Variants in NAALADL2 observed in about 807,000 individuals in gnomAD.
NAALADL2 encodes the protein N-acetylated alpha-linked acidic dipeptidase like 2.
NAALADL2 carries 76 observed loss-of-function variants against 87.2 expected under a neutral mutation model. The ratio of observed to expected loss-of-function variants is 0.87; its 90% CI spans 0.72 to 1.05. The LOEUF (loss-of-function observed/expected upper bound fraction) is 1.05. Among genes scored for constraint, NAALADL2 ranks in the 50% least tolerant of loss-of-function variants. The pLI is 0.00. For synonymous variants in NAALADL2, 354 were observed against 331.0 expected, an observed-to-expected ratio of 1.07 and a Z score of -0.75; for missense variants, 1,089 against 945.8, an observed-to-expected ratio of 1.15 and a Z score of -1.99.
At chr3:175,268,163 A>G (rs1752258132) in intron 4 of NAALADL2, among the ~76,000 whole-genome samples, 2 of 152,164 alleles carry the variant, frequency 1.3e-5, no homozygotes, top group South Asian at 2.1e-4. Flanking sequence ...GTACTTAGAC[A>G]AACTTAGATG....
chr3:175,583,217 T>C (rs1720037388), intron 10 of NAALADL2, among the ~76,000 whole-genome samples: 1 of 152,156 alleles, frequency 6.6e-6, no homozygotes, highest in Non-Finnish European at 1.5e-5. Context: ...CAAGAGAGTA[T>C]CGTGTTGCAT....
At chr3:174,986,123 A>G (rs1394058382) in intron 1 of NAALADL2, among the ~76,000 whole-genome samples, 1 of 151,726 alleles carries the variant, frequency 6.6e-6, no homozygotes, top group Non-Finnish European at 1.5e-5. Flanking sequence ...CAGGTTATAT[A>G]TCAACATTAG....
intron 2 of NAALADL2, among the ~76,000 whole-genome samples, chr3:175,126,470 A>T (rs1327144187): frequency 6.6e-6 from 1 of 152,138 alleles, no homozygotes; most frequent in East Asian, 1.9e-4. Flanking sequence ...TCAAACTGGC[A>T]TTTCAAAAGT....
intron 2 of NAALADL2, among the ~76,000 whole-genome samples, chr3:174,686,060 C>T (rs961294354): frequency 7.9e-5 from 12 of 151,694 alleles, no homozygotes; most frequent in Admixed American, 2.6e-4. Context: ...TTCTTTATCC[C>T]GTCTGTCATT....
intron 1 of NAALADL2, among the ~76,000 whole-genome samples, chr3:174,906,600 G>C (rs1167645579): frequency 6.6e-6 from 1 of 152,074 alleles, no homozygotes; most frequent in Non-Finnish European, 1.5e-5. Context: ...AGCCTGCAAA[G>C]AACTGAATCT....
chr3:175,343,890 A>C (rs1488983528), intron 5 of NAALADL2, among the ~76,000 whole-genome samples: 2 of 151,916 alleles, frequency 1.3e-5, no homozygotes, highest in African/African-American at 4.8e-5. Flanking sequence ...AGAGTGACCT[A>C]TGTTTTTGTC....
At chr3:175,206,577 G>A (rs970905223) in intron 2 of NAALADL2, among the ~76,000 whole-genome samples, 2 of 151,662 alleles carry the variant, frequency 1.3e-5, no homozygotes, top group Admixed American at 6.6e-5. Flanking sequence ...GGAGGGGGGC[G>A]AAGGATAAAG....
chr3:174,972,857 G>C (rs1045241150), intron 1 of NAALADL2, among the ~76,000 whole-genome samples: 5 of 152,004 alleles, frequency 3.3e-5, no homozygotes, highest in African/African-American at 1.2e-4. Flanking sequence ...TTAGCCAGGC[G>C]TGGTGATGCA....
chr3:175,755,422 G>A lies in NAALADL2; in HGVS notation c.2189+4G>A. The A allele has an allele frequency of 1.3e-6, 2 of 1,572,644 alleles. No homozygotes were observed. Among genetic ancestry groups the A allele is most frequent in the Non-Finnish European group, 1.7e-6 (2 of 1,158,228 alleles). ...AGGCACCACCAGGTTTTTATAGGTA[G>A]GATGCATGTCTCAAAAATTATACTT... On this transcript the variant is annotated splice_donor_region_variant and intron_variant, in intron 13 of 13. Transcript: ENST00000454872.
At chr3:175,627,580 CTGTCTGTA>C (rs11278585) in intron 11 of NAALADL2, among the ~76,000 whole-genome samples, 194 bp downstream of exon 11, 111,388 of 150,848 alleles carry the variant, frequency 0.74, 41,813 homozygotes, top group East Asian at 0.87. Flanking sequence ...AGACCCATAA[CTGTCTGTA>C]TGATCATTTG....
intron 2 of NAALADL2, among the ~76,000 whole-genome samples, chr3:174,725,097 G>A (rs1732063206): frequency 6.6e-6 from 1 of 152,138 alleles, no homozygotes; most frequent in Non-Finnish European, 1.5e-5. Context: ...ACCCCCCAAA[G>A]GAACATGTAT....
At position 175,305,592 on chromosome 3, in the gene NAALADL2, G is replaced by A. The variant is rs929791711; in HGVS notation, c.940-18583G>A. Among the ~76,000 whole-genome samples, 3 of 151,616 alleles carry A rather than the reference G, an allele frequency of 2.0e-5. No homozygotes were observed. In the South Asian group the frequency reaches 6.3e-4, roughly 32 times the overall value. ...GGCTGGAGTGCAATGGCACAATCTC[G>A]GCTCACCGCAACCTCCACCTCCTCG... On this transcript the variant is annotated intron_variant, in intron 4 of 13. Coordinates refer to ENST00000454872, the MANE Select transcript of NAALADL2 (RefSeq NM_207015.3).
chr3:175,249,714 A>G (rs951392756), intron 3 of NAALADL2, among the ~76,000 whole-genome samples: 1 of 152,178 alleles, frequency 6.6e-6, no homozygotes, highest in Non-Finnish European at 1.5e-5. Flanking sequence ...GTAACTAAGT[A>G]ATATACATTC....
chr3:174,568,034 A>G (rs919521206), intron 2 of NAALADL2, among the ~76,000 whole-genome samples: 2 of 151,776 alleles, frequency 1.3e-5, no homozygotes, highest in Non-Finnish European at 3.0e-5. Context: ...ATAAAACAGT[A>G]GAATTATGAT....
chr3:174,819,275 G>C (rs58231384), intron 3 of NAALADL2, among the ~76,000 whole-genome samples: 1,600 of 151,582 alleles, frequency 0.011, 30 homozygotes, highest in African/African-American at 0.037. Flanking sequence ...ATGTTGCCCA[G>C]GCTGGTTTTG....
rs569717311 is a variant in NAALADL2, at chr3:174,779,413, A to G, written c.-9+41667A>G. Among the ~76,000 whole-genome samples the G allele has an allele frequency of 2.6e-5, 4 of 152,170 alleles. No homozygotes were observed. The South Asian group carries it at 8.3e-4, about 32-fold the overall frequency. ...GGATAGATTGCAAAAATGTTCTCCC[A>G]TTCTGTAGATTGCCTATTCACTCTG... is the stretch of plus-strand genomic sequence containing the variant. On this transcript the variant is annotated intron_variant, in intron 3 of 3. Transcript: ENST00000434257.
At position 175,268,204 on chromosome 3, in the gene NAALADL2, G is replaced by A. The variant is rs923601957; in HGVS notation, c.939+11674G>A. On this transcript the variant is annotated intron_variant, in intron 4 of 13. Transcript: ENST00000454872. The stretch of plus-strand genomic sequence containing the variant: ...GCCTACTGCGTATCTAGTCTATAAG[G>A]TATAGCCTATTGCTCCCAGAATACA... Among the ~76,000 whole-genome samples the A allele has an allele frequency of 2.0e-5, 3 of 152,042 alleles. No homozygotes were observed. In the East Asian group the frequency reaches 5.8e-4, roughly 29 times the overall value.
At chr3:175,688,273 GTATT>G (rs1355953770) in intron 11 of NAALADL2, among the ~76,000 whole-genome samples, 2 of 151,936 alleles carry the variant, frequency 1.3e-5, no homozygotes, top group South Asian at 2.1e-4. Flanking sequence ...TATTTTCTTG[GTATT>G]TATTATGTTT....
intron 9 of NAALADL2, among the ~76,000 whole-genome samples, chr3:175,526,283 C>T (rs1733406978): frequency 6.6e-6 from 1 of 152,094 alleles, no homozygotes; most frequent in Non-Finnish European, 1.5e-5. Context: ...TACAGCTGTG[C>T]TTTACAGTAT....
Sources: gnomAD v4.1 joint callset for allele counts (sites outside exome capture counted in the v4.1 genomes callset) on GRCh38, gnomAD v4.1.1 for gene constraint, MANE v1.5 for transcripts, NCBI Gene and HGNC (gene_info 2026-07-23, HGNC 2026-07-21) for gene names.